Variants in CHKA observed in about 807,000 individuals in gnomAD.
The protein encoded by CHKA is CHETK-alpha.
Under a neutral mutation model 60.1 loss-of-function variants are expected in CHKA, and 34 were observed. That is an observed-to-expected ratio of 0.57 (90% CI 0.43 to 0.75). The LOEUF is 0.75. Among genes scored for constraint, CHKA ranks in the 30% least tolerant of loss-of-function variants. The pLI is 0.00. For synonymous variants in CHKA, 217 were observed against 223.1 expected, an observed-to-expected ratio of 0.97 and a Z score of 0.24; for missense variants, 563 against 561.3, an observed-to-expected ratio of 1.00 and a Z score of -0.03.
chr11:68,115,579 C>T (rs1341965665), intron 1 of CHKA, among the ~76,000 whole-genome samples: 2 of 152,150 alleles, frequency 1.3e-5, no homozygotes, highest in East Asian at 1.9e-4. Context: ...GTGGCACACA[C>T]TTGTAATCCC....
chr11:68,066,855 C>T (rs1292525759), intron 7 of CHKA, among the ~76,000 whole-genome samples: 3 of 152,196 alleles, frequency 2.0e-5, no homozygotes, highest in Non-Finnish European at 4.4e-5. Context: ...TGCAGGAGCT[C>T]GTGCTAGCCA....
At chr11:68,062,068 C>T in intron 10 of CHKA, 34 bp from the exon 11 acceptor site, 1 of 1,382,228 alleles carries the variant, frequency 7.2e-7, no homozygotes, top group Non-Finnish European at 1.0e-6. Context: ...ATATAAGAGA[C>T]ATACAGTATC....
At chr11:68,058,492 TAC>T (rs887066556) in intron 11 of CHKA, among the ~76,000 whole-genome samples, 13 of 152,172 alleles carry the variant, frequency 8.5e-5, no homozygotes, top group African/African-American at 3.1e-4. Flanking sequence ...CTTTATTTTT[TAC>T]ACTCTTTCAT....
Position 68,081,391 on chromosome 11 carries a change from C to T in CHKA, c.516+13G>A, listed in dbSNP as rs373135267. ...CACATCTCACACAGATGCAGAAAGA[C>T]TGAATTACTTACTTGAAATTCATTT... On this transcript the variant is annotated intron_variant, in intron 3 of 11. Transcript: ENST00000265689. 2.5e-6 allele frequency: 4 copies of T among 1,609,954 alleles called. No homozygotes were observed. The African/African-American group carries it at 5.3e-5, about 21-fold the overall frequency.
At position 68,074,751 on chromosome 11, in the gene CHKA, A is replaced by T. The variant is rs1296710755; in HGVS notation, c.596T>A (p.Ile199Asn). 6.2e-7 allele frequency: 1 copy of T among 1,614,114 alleles called. No individual in the cohort carries two copies. The highest frequency in any genetic ancestry group is 8.5e-7 in the Non-Finnish European group (1 of 1,180,044). ...CTGCTCCAGTCGGCCTTGGGGAAAG[A>T]TGCCATAGAGTTTTGGCCCAAGTGA... ...ERSLGPKLYG[I>N]FPQGRLEQFI... Residue 199 changes from isoleucine to asparagine, a missense_variant, in exon 4 of 12, where the codon ATC (isoleucine) becomes AAC (asparagine). Ile to Asn is a moderately radical substitution (Grantham distance 149). Coordinates refer to ENST00000265689, the MANE Select transcript of CHKA (RefSeq NM_001277.3).
intron 2 of CHKA, among the ~76,000 whole-genome samples, chr11:68,095,484 CG>C (rs1260151201): frequency 7.1e-6 from 1 of 140,758 alleles, no homozygotes; most frequent in Admixed American, 7.4e-5. Flanking sequence ...CCAAGGTGGA[CG>C]GATCACGAGG....
At chr11:68,091,970 T>C (rs983253729) in intron 2 of CHKA, among the ~76,000 whole-genome samples, 7 of 152,180 alleles carry the variant, frequency 4.6e-5, no homozygotes, top group Non-Finnish European at 7.4e-5. Context: ...AAAAAATACA[T>C]AGACCTATTA....
At chr11:68,086,249 G>C (rs1285035589) in intron 2 of CHKA, among the ~76,000 whole-genome samples, 1 of 152,058 alleles carries the variant, frequency 6.6e-6, no homozygotes, top group African/African-American at 2.4e-5. Context: ...AGGAGGCCGA[G>C]GTTGCAGTGA....
Position 68,081,558 on chromosome 11 carries a change from A to C in CHKA, c.463-101T>G. On this transcript the variant is annotated intron_variant, in intron 2 of 11. Transcript: ENST00000265689. Reference sequence around the variant, plus strand: ...ACAGTCAGGGTTTACAAAACATCACAGGTCTTTAAGGAAGGTTTCTCAGCC... The same window carrying C: ...ACAGTCAGGGTTTACAAAACATCACCGGTCTTTAAGGAAGGTTTCTCAGCC... The C allele has an allele frequency of 3.3e-6, 3 of 903,708 alleles. 1 individual carries two copies. The South Asian group carries it at 4.3e-5, about 13-fold the overall frequency. 56.0% of individuals were successfully genotyped at this position (903,708 alleles called of 1,614,324 possible).
intron 2 of CHKA, among the ~76,000 whole-genome samples, chr11:68,093,010 T>G (rs1857397817): frequency 7.5e-6 from 1 of 134,112 alleles, no homozygotes; most frequent in Admixed American, 7.5e-5. Context: ...TTTTTGGGTT[T>G]TTTTTTTTTT....
At chr11:68,073,669 CCTCT>C (rs1856694963) in intron 4 of CHKA, among the ~76,000 whole-genome samples, 1 of 152,272 alleles carries the variant, frequency 6.6e-6, no homozygotes, top group African/African-American at 2.4e-5. Context: ...GCACAACTAG[CCTCT>C]CTGTTTCTGG....
rs553490783 is a variant in CHKA at position 68,117,524 on chromosome 11, AC to A, written c.350+3303del. 2.2e-4 allele frequency among the ~76,000 whole-genome samples: 34 copies of A among 152,098 alleles called. 1 individual carries two copies. In the South Asian group the frequency reaches 7.1e-3, roughly 32 times the overall value. On this transcript the variant is annotated intron_variant, in intron 1 of 11. Coordinates refer to ENST00000265689, the MANE Select transcript of CHKA (RefSeq NM_001277.3). ...GTCAATATGGTGAAACCCTATCTCT[AC>A]CAAAAATACAAAAATTAGCCGGATG...
At position 68,074,717 on chromosome 11, in the gene CHKA, C is replaced by T. The variant is rs373710549; in HGVS notation, c.630G>A (p.Pro210=). 1.9e-6 allele frequency: 3 copies of T among 1,613,848 alleles called. No individual in the cohort carries two copies. The highest frequency in any genetic ancestry group is 2.7e-5 in the African/African-American group (2 of 74,914). ...CTAAGCGTTTATGAACAAATCTTAC[C>T]GGGATGAACTGCTCCAGTCGGCCTT... ...FPQGRLEQFI[P]SRRLDTEELS... is the part of the protein sequence containing the mutation. The change falls in exon 4 of 12, where the codon CCG becomes CCA. Residue 210 remains proline, a splice_region_variant and synonymous_variant. Transcript: ENST00000265689.
At chr11:68,078,574 T>C (rs1856866925) in intron 3 of CHKA, among the ~76,000 whole-genome samples, 1 of 152,250 alleles carries the variant, frequency 6.6e-6, no homozygotes, top group Admixed American at 6.5e-5. Flanking sequence ...CTTTTCACTT[T>C]ATCTATGAAG....
chr11:68,067,715 C>T (rs532968336), intron 7 of CHKA, among the ~76,000 whole-genome samples: 1 of 152,032 alleles, frequency 6.6e-6, no homozygotes, highest in African/African-American at 2.4e-5. Context: ...CCAGTCCCCT[C>T]TCTCTAGTGA....
At chr11:68,104,340 G>A (rs1327631172) in intron 1 of CHKA, among the ~76,000 whole-genome samples, 2 of 152,074 alleles carry the variant, frequency 1.3e-5, no homozygotes, top group South Asian at 2.1e-4. Context: ...GGGGAGACAG[G>A]GAGAGGTTGG....
intron 11 of CHKA, among the ~76,000 whole-genome samples, 163 bp from the exon 12 acceptor site, chr11:68,054,210 G>A (rs1191195149): frequency 6.6e-6 from 1 of 152,184 alleles, no homozygotes; most frequent in Non-Finnish European, 1.5e-5. Flanking sequence ...GGGCCTCGCT[G>A]CTCTACAGGT....
At chr11:68,102,066 C>T (rs1172219827) in intron 1 of CHKA, among the ~76,000 whole-genome samples, 1 of 150,610 alleles carries the variant, frequency 6.6e-6, no homozygotes, top group Non-Finnish European at 1.5e-5. Flanking sequence ...CGCCACTGCA[C>T]TCCAGCCTGG....
intron 11 of CHKA, among the ~76,000 whole-genome samples, chr11:68,057,178 A>G (rs989090845): frequency 2.0e-5 from 3 of 152,186 alleles, no homozygotes; most frequent in African/African-American, 7.2e-5. Context: ...TTCTGTGGTG[A>G]TGATTGTTGC....
Sources: allele counts gnomAD v4.1 joint callset (sites outside exome capture counted in the v4.1 genomes callset), GRCh38; gene constraint gnomAD v4.1.1; transcripts MANE v1.5; gene names NCBI Gene and HGNC (gene_info 2026-07-23, HGNC 2026-07-21).